The following ACACA variants were observed in gnomAD, a reference collection of about 807,000 sequenced individuals.
ACACA encodes acetyl-CoA carboxylase 1.
A neutral mutation model predicts 296.1 loss-of-function variants in ACACA; 103 were observed. The ratio of observed to expected loss-of-function variants is 0.35; its 90% CI spans 0.30 to 0.41. ACACA has a LOEUF of 0.41. ACACA is among the 10% of genes least tolerant of loss of function. The probability of loss-of-function intolerance (pLI) is 1.00; values close to 1 mark genes in which losing one functional copy is unlikely to be tolerated. For synonymous variants in ACACA, 953 were observed against 1,038.6 expected (o/e 0.92, Z 1.58); for missense variants, 1,554 against 2,989.7 (o/e 0.52, Z 11.20).
At chr17:37,095,367 G>A (rs2072924112) in intron 54 of ACACA, among the ~76,000 whole-genome samples, 1 of 152,192 alleles carries the variant, frequency 6.6e-6, no homozygotes, top group Admixed American at 6.5e-5. Flanking sequence ...AAATGTCGGA[G>A]AAGGCTGTGC....
At chr17:37,201,652 T>C (rs1036177283) in intron 33 of ACACA, among the ~76,000 whole-genome samples, 3 of 152,152 alleles carry the variant, frequency 2.0e-5, no homozygotes, top group Non-Finnish European at 4.4e-5. Flanking sequence ...ACCCCACCAG[T>C]TGAATGACCT....
chr17:37,174,163 C>T (rs1165226852), intron 41 of ACACA, among the ~76,000 whole-genome samples: 1 of 147,862 alleles, frequency 6.8e-6, no homozygotes, highest in Admixed American at 6.7e-5. Flanking sequence ...GCCTGGCTGT[C>T]AGCTAGTCTT....
At chr17:37,205,907 A>G in intron 32 of ACACA, 35 bp from the exon 33 acceptor site, 1 of 1,494,558 alleles carries the variant, frequency 6.7e-7, no homozygotes, top group Middle Eastern at 1.7e-4. Context: ...AGAAATTATG[A>G]GGCTGGCCAA....
chr17:37,103,830 G>A (rs1228842750), intron 52 of ACACA, among the ~76,000 whole-genome samples: 1 of 152,086 alleles, frequency 6.6e-6, no homozygotes, highest in Non-Finnish European at 1.5e-5. Flanking sequence ...TGAGCCCAGG[G>A]GTTCAATACC....
intron 54 of ACACA, among the ~76,000 whole-genome samples, chr17:37,090,377 C>T (rs888705654): frequency 8.5e-5 from 13 of 152,162 alleles, no homozygotes; most frequent in African/African-American, 2.9e-4. Flanking sequence ...AACTCCTTTA[C>T]ATTGGAAAGA....
At chr17:37,316,194 G>T (rs1433386009) in intron 3 of ACACA, among the ~76,000 whole-genome samples, 1 of 151,920 alleles carries the variant, frequency 6.6e-6, no homozygotes, top group Non-Finnish European at 1.5e-5. Context: ...CAACCATGCT[G>T]CCCACCTTCC....
chr17:37,338,623 AC>A (rs1024727721), intron 2 of ACACA, among the ~76,000 whole-genome samples: 2 of 151,772 alleles, frequency 1.3e-5, no homozygotes, highest in African/African-American at 4.8e-5. Flanking sequence ...ACAAAAAAAA[AC>A]AAAAAACCTT....
intron 3 of ACACA, among the ~76,000 whole-genome samples, chr17:37,300,316 T>C (rs2083559075): frequency 6.6e-6 from 1 of 152,176 alleles, no homozygotes; most frequent in Admixed American, 6.5e-5. Flanking sequence ...CTGAATGTTA[T>C]CTTGTAATAT....
At chr17:37,181,545 A>AAT (rs760922511) in intron 39 of ACACA, among the ~76,000 whole-genome samples, 189 bp from the exon 40 acceptor site, 3 of 151,796 alleles carry the variant, frequency 2.0e-5, no homozygotes, top group African/African-American at 4.8e-5. Context: ...AACTCCAAAA[A>AAT]ATATATATAT....
chr17:37,373,532 T>TG (rs200916965), intron 1 of ACACA, among the ~76,000 whole-genome samples: 3,191 of 152,230 alleles, frequency 0.021, 91 homozygotes, highest in East Asian at 0.19. Context: ...AGGTGTGAAC[T>TG]ACCGTGCCTG....
At chr17:37,211,310 TATA>T (rs1438765660) in intron 29 of ACACA, among the ~76,000 whole-genome samples, 5 of 152,176 alleles carry the variant, frequency 3.3e-5, no homozygotes, top group African/African-American at 9.6e-5. Context: ...AGAACTTCCT[TATA>T]AAGAATGTGC....
chr17:37,145,734 C>T (rs183257655), intron 45 of ACACA, among the ~76,000 whole-genome samples: 3 of 152,272 alleles, frequency 2.0e-5, no homozygotes, highest in Admixed American at 6.5e-5. Context: ...TAGCAAGGAA[C>T]CAGACAGATA....
At chr17:37,304,265 A>T (rs2083763570) in intron 3 of ACACA, among the ~76,000 whole-genome samples, 1 of 152,140 alleles carries the variant, frequency 6.6e-6, no homozygotes, top group East Asian at 1.9e-4. Context: ...GCAGTGGTGC[A>T]AACACTCAAT....
chr17:37,299,590 A>G, intron 3 of ACACA: 1 of 1,317,790 alleles, frequency 7.6e-7, no homozygotes, highest in Non-Finnish European at 9.7e-7. Flanking sequence ...CTTAGCTTAC[A>G]CACACAATTA....
At chr17:37,140,887 GC>G in intron 45 of ACACA, 1 of 252,116 alleles carries the variant, frequency 4.0e-6, no homozygotes. Flanking sequence ...TGATGCCAGT[GC>G]CCCGGGTGCA....
rs137950037 is a variant in ACACA, at chr17:37,125,791, T to C, written c.5948A>G (p.Gln1983Arg). The change falls in exon 48 of 56, where the codon CAA becomes CGA. Residue 1983 changes from glutamine to arginine, a missense_variant. By Grantham distance (43) the Gln-to-Arg change is conservative. This residue lies in a region of ACACA where 553 missense variants were observed against 1,043.6 expected (regional missense o/e 0.53). Coordinates refer to ENST00000616317, the MANE Select transcript of ACACA (RefSeq NM_198834.3). The stretch of plus-strand genomic sequence containing the variant: ...AAAGCCACTCAACCACTGACCTTTT[T>C]GGGCTACAGAAGGGAAAGAAAGAAA... ...WMLAGRPHPT[Q>R]KGQWLSGFFD... 1.2e-6 allele frequency: 2 copies of C among 1,613,154 alleles called. No individual in the cohort carries two copies. The highest frequency in any genetic ancestry group is 1.7e-4 in the Middle Eastern group (1 of 6,060).
intron 29 of ACACA, among the ~76,000 whole-genome samples, chr17:37,216,564 A>T (rs564032730): frequency 1.3e-5 from 2 of 152,256 alleles, no homozygotes; most frequent in African/African-American, 2.4e-5. Context: ...TTTTCTAAAA[A>T]TAGTCGAATT....
At chr17:37,289,924 T>G (rs2082965044) in intron 3 of ACACA, among the ~76,000 whole-genome samples, 1 of 152,340 alleles carries the variant, frequency 6.6e-6, no homozygotes, top group Middle Eastern at 3.4e-3. Flanking sequence ...CTGTTTTCCC[T>G]GATAAATAGT....
chr17:37,239,326 G>A (rs925032628), intron 24 of ACACA, among the ~76,000 whole-genome samples: 1 of 152,118 alleles, frequency 6.6e-6, no homozygotes, highest in Non-Finnish European at 1.5e-5. Flanking sequence ...CAGATATATT[G>A]CTTTATTACT....
Sources: gnomAD v4.1 joint callset for allele counts (sites outside exome capture counted in the v4.1 genomes callset) on GRCh38, gnomAD v4.1.1 for gene constraint, gnomAD v4.1.1 regional missense constraint, MANE v1.5 for transcripts, NCBI Gene and HGNC (gene_info 2026-07-23, HGNC 2026-07-21) for gene names.